CSMD3: variants seen among roughly 807,000 people sequenced by gnomAD.
CSMD3 encodes the protein CUB and Sushi multiple domains 3.
CSMD3 carries 177 observed loss-of-function variants against 435.2 expected under a neutral mutation model. That is an observed-to-expected ratio of 0.41 (90% confidence interval 0.36 to 0.46). The LOEUF (loss-of-function observed/expected upper bound fraction) is 0.46. Ranked by LOEUF, CSMD3 falls within the 20% of genes least tolerant of loss-of-function variation. The probability of loss-of-function intolerance (pLI) is 0.34; values close to 1 mark genes in which losing one functional copy is unlikely to be tolerated. For synonymous variants in CSMD3, 1,656 were observed against 1,520.5 expected (o/e 1.09, Z -2.07); for missense variants, 4,265 against 4,504.6 (o/e 0.95, Z 1.52).
chr8:112,812,697 T>G (rs2079260407), intron 12 of CSMD3, among the ~76,000 whole-genome samples: 1 of 152,170 alleles, frequency 6.6e-6, no homozygotes, highest in Non-Finnish European at 1.5e-5. Context: ...TGTATCAATA[T>G]TTAATACATC....
intron 13 of CSMD3, among the ~76,000 whole-genome samples, chr8:112,798,031 T>C (rs1587327524): frequency 6.6e-6 from 1 of 151,924 alleles, no homozygotes; most frequent in African/African-American, 2.4e-5. Context: ...AGATATATTT[T>C]CTATTTAGTT....
rs1274761172 is a variant in CSMD3 at position 112,597,457 on chromosome 8, A to G, written c.3716-10222T>C. The stretch of plus-strand genomic sequence containing the variant: ...AGAGGTACAAGGAGGAACTGGTACC[A>G]TTCCTTCTGAAACTATTCCAATCAA... On this transcript the variant is annotated intron_variant, in intron 22 of 70. Coordinates refer to ENST00000297405, the MANE Select transcript of CSMD3 (RefSeq NM_198123.2). Among the ~76,000 whole-genome samples, 5 of 129,850 alleles carry G rather than the reference A, an allele frequency of 3.9e-5. No homozygotes were observed. In the Admixed American group the frequency reaches 3.9e-4, roughly 10 times the overall value. 85.2% of individuals were successfully genotyped at this position (129,850 alleles called of 152,430 possible). A position where few individuals can be genotyped will look rare whatever the true frequency, so the allele number is the denominator to read the frequency against.
chr8:113,254,039 T>A (rs1436454582), intron 3 of CSMD3, among the ~76,000 whole-genome samples: 1 of 152,124 alleles, frequency 6.6e-6, no homozygotes, highest in Admixed American at 6.5e-5. Flanking sequence ...TATTTACCAA[T>A]CTAGACCTGC....
At chr8:112,914,465 C>T (rs976477868) in intron 10 of CSMD3, among the ~76,000 whole-genome samples, 91 of 151,610 alleles carry the variant, frequency 6.0e-4, no homozygotes, top group African/African-American at 2.0e-3. Context: ...GGGATGTTGA[C>T]ACTATTTACC....
intron 13 of CSMD3, among the ~76,000 whole-genome samples, chr8:112,753,775 A>G (rs2077627697): frequency 1.3e-5 from 2 of 152,214 alleles, no homozygotes. Flanking sequence ...AACAGCAAAG[A>G]GTTTGCTCAC....
At position 112,512,249 on chromosome 8, in the gene CSMD3, A is replaced by G. The variant is rs145900359; in HGVS notation, c.4756+4785T>C. On this transcript the variant is annotated intron_variant, in intron 28 of 70. Coordinates refer to ENST00000297405, the MANE Select transcript of CSMD3 (RefSeq NM_198123.2). ...TTACTTTGCTCAGATGCATCAGATA[A>G]ATCACTGTCTTTGGCAGCTATAGTA... 1.1e-3 allele frequency among the ~76,000 whole-genome samples: 161 copies of G among 152,324 alleles called. 3 individuals carry two copies. The East Asian group carries it at 0.027, about 26-fold the overall frequency.
intron 4 of CSMD3, among the ~76,000 whole-genome samples, chr8:113,144,558 C>T (rs899332800): frequency 2.0e-5 from 3 of 151,460 alleles, no homozygotes; most frequent in Admixed American, 6.6e-5. Flanking sequence ...TTAGATCTGC[C>T]GTTAATTATG....
At chr8:113,065,516 A>T (rs1336414995) in intron 5 of CSMD3, among the ~76,000 whole-genome samples, 1 of 152,054 alleles carries the variant, frequency 6.6e-6, no homozygotes, top group Non-Finnish European at 1.5e-5. Flanking sequence ...CCTCCCGAGT[A>T]GCTGGGACTA....
At chr8:112,365,664 A>C (rs564068506) in intron 38 of CSMD3, among the ~76,000 whole-genome samples, 11 of 152,202 alleles carry the variant, frequency 7.2e-5, no homozygotes, top group Non-Finnish European at 1.3e-4. Flanking sequence ...TGGGTGGAAG[A>C]ATGGTGAAAT....
intron 13 of CSMD3, among the ~76,000 whole-genome samples, chr8:112,710,440 C>A (rs1047494631): frequency 3.9e-5 from 6 of 152,058 alleles, no homozygotes; most frequent in Admixed American, 2.0e-4. Context: ...AAATAATTTT[C>A]TTTCTATACT....
intron 1 of CSMD3, among the ~76,000 whole-genome samples, chr8:113,428,314 A>G (rs1227571585): frequency 6.6e-6 from 1 of 151,514 alleles, no homozygotes; most frequent in South Asian, 2.1e-4. Context: ...TTAAATTTTC[A>G]GGGCCTCAAT....
intron 12 of CSMD3, among the ~76,000 whole-genome samples, chr8:112,818,641 G>T (rs2079445121): frequency 6.6e-6 from 1 of 152,064 alleles, no homozygotes; most frequent in African/African-American, 2.4e-5. Context: ...GTACTGTTTT[G>T]AAATGTGGGC....
chr8:112,560,592 G>C (rs1003873152), intron 24 of CSMD3, among the ~76,000 whole-genome samples: 1 of 151,534 alleles, frequency 6.6e-6, no homozygotes, highest in Non-Finnish European at 1.5e-5. Context: ...ACCCCATTTG[G>C]GTGAACATGC....
At chr8:112,637,591 C>T (rs1360337323) in intron 21 of CSMD3, among the ~76,000 whole-genome samples, 1 of 151,880 alleles carries the variant, frequency 6.6e-6, no homozygotes, top group African/African-American at 2.4e-5. Flanking sequence ...AATAAATGAA[C>T]ATTATGAAAA....
intron 5 of CSMD3, among the ~76,000 whole-genome samples, chr8:113,048,589 GAAT>G (rs2087944726): frequency 6.6e-6 from 1 of 151,448 alleles, no homozygotes; most frequent in South Asian, 2.1e-4. Flanking sequence ...GATTACATTT[GAAT>G]AATTACATAC....
intron 32 of CSMD3, among the ~76,000 whole-genome samples, chr8:112,471,802 C>A (rs1178088127): frequency 6.6e-6 from 1 of 152,158 alleles, no homozygotes; most frequent in Non-Finnish European, 1.5e-5. Context: ...TATAACAAAT[C>A]CTTTACTATG....
intron 57 of CSMD3, among the ~76,000 whole-genome samples, chr8:112,288,303 A>G (rs993593802): frequency 6.6e-6 from 1 of 151,976 alleles, no homozygotes; most frequent in East Asian, 1.9e-4. Flanking sequence ...GTTCGCATGT[A>G]TAAGCAGTTA....
chr8:113,251,482 A>C (rs1297774270), intron 3 of CSMD3, among the ~76,000 whole-genome samples: 1 of 152,020 alleles, frequency 6.6e-6, no homozygotes, highest in African/African-American at 2.4e-5. Context: ...ATATACTATT[A>C]AAGTTAATAT....
chr8:112,645,279 G>C (rs1355301059), intron 19 of CSMD3, 54 bp from the exon 20 acceptor site: 7 of 955,774 alleles, frequency 7.3e-6, no homozygotes, highest in Non-Finnish European at 1.2e-5. Context: ...GACAGAGGGT[G>C]AACAAATCTC....
Sources: gnomAD v4.1 joint callset for allele counts (sites outside exome capture counted in the v4.1 genomes callset) on GRCh38, gnomAD v4.1.1 for gene constraint, MANE v1.5 for transcripts, NCBI Gene and HGNC (gene_info 2026-07-23, HGNC 2026-07-21) for gene names.